PTPRD: variants seen among roughly 807,000 people sequenced by gnomAD.
PTPRD encodes protein tyrosine phosphatase receptor type D.
Under a neutral mutation model 214.5 loss-of-function variants are expected in PTPRD, and 34 were observed. The ratio of observed to expected loss-of-function variants is 0.16; its 90% CI spans 0.12 to 0.21. The LOEUF (loss-of-function observed/expected upper bound fraction) is 0.21, where lower values mean the gene tolerates loss of function less well. Ranked by LOEUF, PTPRD falls within the 10% of genes least tolerant of loss-of-function variation. The pLI is 1.00. For synonymous variants in PTPRD, 1,128 were observed against 845.7 expected (o/e 1.33, Z -5.79); for missense variants, 2,545 against 2,398.7 (o/e 1.06, Z -1.27).
intron 11 of PTPRD, among the ~76,000 whole-genome samples, chr9:8,944,076 T>C (rs537086547): frequency 3.8e-4 from 57 of 151,958 alleles, no homozygotes; most frequent in African/African-American, 1.3e-3. Context: ...AGTAATCTGA[T>C]TCAAAAATGG....
At chr9:10,169,134 C>T (rs1275331671) in intron 3 of PTPRD, among the ~76,000 whole-genome samples, 1 of 152,100 alleles carries the variant, frequency 6.6e-6, no homozygotes, top group Non-Finnish European at 1.5e-5. Flanking sequence ...CTCCCATCCC[C>T]ATTAATGTAT....
intron 14 of PTPRD, among the ~76,000 whole-genome samples, chr9:8,632,121 TTGTGTGTGTGTG>T (rs146691738): frequency 6.9e-6 from 1 of 144,610 alleles, no homozygotes; most frequent in Non-Finnish European, 1.5e-5. Flanking sequence ...AATTGCTTCT[TTGTGTGTGTGTG>T]TGTGTGTGTG....
At chr9:9,204,129 A>G (rs1593486895) in intron 9 of PTPRD, among the ~76,000 whole-genome samples, 1 of 152,304 alleles carries the variant, frequency 6.6e-6, no homozygotes, top group East Asian at 1.9e-4. Flanking sequence ...ATGTGAATTC[A>G]TCATGTGAAT....
intron 4 of PTPRD, among the ~76,000 whole-genome samples, chr9:9,976,076 A>T (rs2095340554): frequency 6.6e-6 from 1 of 152,196 alleles, no homozygotes; most frequent in Non-Finnish European, 1.5e-5. Flanking sequence ...AAGACATTCC[A>T]GATGAAACAT....
chr9:9,695,635 C>T (rs886412113), intron 7 of PTPRD, among the ~76,000 whole-genome samples: 1 of 151,932 alleles, frequency 6.6e-6, no homozygotes. Flanking sequence ...TTATCTAATG[C>T]TTTTCAGCAT....
intron 10 of PTPRD, among the ~76,000 whole-genome samples, chr9:9,073,223 C>T (rs1488764721): frequency 2.0e-5 from 3 of 152,156 alleles, no homozygotes; most frequent in Non-Finnish European, 4.4e-5. Context: ...TCATTTTGTA[C>T]AAGCACTGTG....
At chr9:9,795,147 T>C (rs1448354484) in intron 5 of PTPRD, among the ~76,000 whole-genome samples, 2 of 152,242 alleles carry the variant, frequency 1.3e-5, no homozygotes, top group Non-Finnish European at 2.9e-5. Flanking sequence ...CTCCTGTCTC[T>C]TTCTACTTTG....
At chr9:9,532,235 G>A (rs1173087587) in intron 8 of PTPRD, among the ~76,000 whole-genome samples, 1 of 152,118 alleles carries the variant, frequency 6.6e-6, no homozygotes, top group Non-Finnish European at 1.5e-5. Context: ...GAGAAGGTCT[G>A]TGTGGTGGAT....
intron 2 of PTPRD, among the ~76,000 whole-genome samples, chr9:10,572,721 C>T (rs2067861394): frequency 6.6e-6 from 1 of 152,098 alleles, no homozygotes; most frequent in Non-Finnish European, 1.5e-5. Context: ...CAACTCTCCA[C>T]TGAATCAAGT....
At chr9:9,406,334 G>C (rs1321159683) in intron 8 of PTPRD, among the ~76,000 whole-genome samples, 1 of 151,854 alleles carries the variant, frequency 6.6e-6, no homozygotes, top group African/African-American at 2.4e-5. Flanking sequence ...CATTAAGCTT[G>C]AAGTAAACAC....
intron 9 of PTPRD, among the ~76,000 whole-genome samples, chr9:9,271,681 T>G (rs912864584): frequency 6.6e-6 from 1 of 151,388 alleles, no homozygotes; most frequent in African/African-American, 2.4e-5. Context: ...GTTAAATATG[T>G]TGGTATTTTG....
chr9:8,586,965 G>T (rs1419591685), intron 14 of PTPRD, among the ~76,000 whole-genome samples: 1 of 152,098 alleles, frequency 6.6e-6, no homozygotes, highest in Non-Finnish European at 1.5e-5. Context: ...GACTAACACG[G>T]TGAAACCCAG....
intron 4 of PTPRD, among the ~76,000 whole-genome samples, chr9:9,975,770 T>C (rs907301288): frequency 1.3e-5 from 2 of 152,178 alleles, no homozygotes; most frequent in Non-Finnish European, 2.9e-5. Flanking sequence ...CTACCTGGAT[T>C]CTAACACTTA....
chr9:10,392,867 G>A (rs990078502), intron 2 of PTPRD, among the ~76,000 whole-genome samples: 3 of 151,860 alleles, frequency 2.0e-5, no homozygotes, highest in African/African-American at 4.8e-5. Flanking sequence ...AGAAAGAATG[G>A]AGCAGATTTC....
chr9:9,876,577 G>C (rs1437441094), intron 5 of PTPRD, among the ~76,000 whole-genome samples: 1 of 152,136 alleles, frequency 6.6e-6, no homozygotes, highest in Admixed American at 6.5e-5. Context: ...AGACAAATAT[G>C]AGATCATTAC....
At chr9:9,084,218 A>G (rs2099763534) in intron 10 of PTPRD, among the ~76,000 whole-genome samples, 1 of 152,232 alleles carries the variant, frequency 6.6e-6, no homozygotes, top group Non-Finnish European at 1.5e-5. Flanking sequence ...AATACTATGC[A>G]GCCATGAAAA....
intron 11 of PTPRD, among the ~76,000 whole-genome samples, chr9:9,008,770 T>G (rs753587951): frequency 9.2e-5 from 14 of 152,146 alleles, no homozygotes; most frequent in Non-Finnish European, 1.9e-4. Flanking sequence ...GATTTGCTGG[T>G]AATATGATTT....
chr9:8,485,127 C>T, intron 29 of PTPRD, 100 bp downstream of exon 29: 1 of 966,152 alleles, frequency 1.0e-6, no homozygotes, highest in Non-Finnish European at 1.6e-6. Context: ...GGACACGTGG[C>T]CAAAACAAAG....
intron 10 of PTPRD, among the ~76,000 whole-genome samples, chr9:9,173,907 T>C (rs889144758): frequency 6.6e-6 from 1 of 152,108 alleles, no homozygotes; most frequent in African/African-American, 2.4e-5. Flanking sequence ...TGGCCCACTT[T>C]GGCTCCTACC....
Sources: allele counts gnomAD v4.1 joint callset (sites outside exome capture counted in the v4.1 genomes callset), GRCh38; gene constraint gnomAD v4.1.1; transcripts MANE v1.5; gene names NCBI Gene and HGNC (gene_info 2026-07-23, HGNC 2026-07-21).